MACROD2: variants seen among roughly 807,000 people sequenced by gnomAD.
The protein encoded by MACROD2 is mono-ADP ribosylhydrolase 2.
Under a neutral mutation model 70.4 loss-of-function variants are expected in MACROD2, and 36 were observed. The ratio of observed to expected loss-of-function variants is 0.51; its 90% CI spans 0.39 to 0.68. MACROD2 has a LOEUF of 0.68. Ranked by LOEUF, MACROD2 falls within the 30% of genes least tolerant of loss-of-function variation. The pLI is 0.00. For missense variants in MACROD2, 496 were observed against 538.4 expected (o/e 0.92, Z 0.78); for synonymous variants, 172 against 178.8 (o/e 0.96, Z 0.30).
intron 4 of MACROD2, among the ~76,000 whole-genome samples, chr20:14,565,367 T>G (rs1979725693): frequency 1.3e-5 from 2 of 151,944 alleles, no homozygotes; most frequent in Admixed American, 1.3e-4. Flanking sequence ...AAATTTTTTT[T>G]TAAAACGTAA....
chr20:15,787,724 A>T (rs1303775672), intron 8 of MACROD2, among the ~76,000 whole-genome samples: 5 of 152,160 alleles, frequency 3.3e-5, no homozygotes, highest in Non-Finnish European at 5.9e-5. Flanking sequence ...CTTCTTTTTT[A>T]AAAAATTTAA....
intron 5 of MACROD2, among the ~76,000 whole-genome samples, chr20:14,945,834 A>G (rs546541516): frequency 1.3e-5 from 2 of 152,308 alleles, no homozygotes; most frequent in South Asian, 2.1e-4. Flanking sequence ...GTATACTCAC[A>G]TAGAGTTTTA....
intron 5 of MACROD2, among the ~76,000 whole-genome samples, chr20:14,994,980 AG>A (rs2074937071): frequency 6.6e-6 from 1 of 152,228 alleles, no homozygotes; most frequent in Admixed American, 6.5e-5. Context: ...CTCTAAAAAA[AG>A]AAAAAAAAGT....
intron 10 of MACROD2, chr20:15,892,933 T>G (rs1021069095): frequency 1.0e-5 from 4 of 398,732 alleles, no homozygotes; most frequent in Non-Finnish European, 1.8e-5. Context: ...CCAGAGGGGT[T>G]AGAGCCAAAA....
At chr20:15,256,768 G>C (rs1470422947) in intron 6 of MACROD2, among the ~76,000 whole-genome samples, 1 of 152,080 alleles carries the variant, frequency 6.6e-6, no homozygotes, top group African/African-American at 2.4e-5. Flanking sequence ...CATGGATATG[G>C]TATACTTGGA....
At chr20:15,451,946 G>GCC (rs2046649160) in intron 7 of MACROD2, among the ~76,000 whole-genome samples, 2 of 152,236 alleles carry the variant, frequency 1.3e-5, no homozygotes, top group East Asian at 3.9e-4. Context: ...TAGTGGCATA[G>GCC]GAGACTGGTG....
At chr20:15,346,432 A>G (rs2078166910) in intron 6 of MACROD2, among the ~76,000 whole-genome samples, 1 of 152,194 alleles carries the variant, frequency 6.6e-6, no homozygotes, top group Non-Finnish European at 1.5e-5. Flanking sequence ...AGATTTCCAG[A>G]TAAAGGAACT....
At chr20:14,077,928 G>A (rs1179990427) in intron 2 of MACROD2, among the ~76,000 whole-genome samples, 3 of 143,250 alleles carry the variant, frequency 2.1e-5, no homozygotes, top group Non-Finnish European at 4.5e-5. Flanking sequence ...TTGAGACGGA[G>A]TTTCACTCCT....
intron 6 of MACROD2, among the ~76,000 whole-genome samples, chr20:15,340,505 A>C (rs563784516): frequency 6.6e-6 from 1 of 152,182 alleles, no homozygotes; most frequent in South Asian, 2.1e-4. Context: ...TTTGATGATC[A>C]ACAGTACTCT....
intron 8 of MACROD2, among the ~76,000 whole-genome samples, chr20:15,705,028 AT>A (rs1156381287): frequency 6.6e-6 from 1 of 152,302 alleles, no homozygotes; most frequent in South Asian, 2.1e-4. Context: ...TCTGCTGCTA[AT>A]TCTCACGGTC....
At chr20:14,003,824 G>C in intron 2 of MACROD2, 1 of 350,474 alleles carries the variant, frequency 2.9e-6, no homozygotes, top group Non-Finnish European at 5.5e-6. Context: ...AAAGAGAGGA[G>C]AGTGCTGTGT....
At chr20:15,007,053 G>C (rs564880827) in intron 5 of MACROD2, among the ~76,000 whole-genome samples, 9 of 151,570 alleles carry the variant, frequency 5.9e-5, no homozygotes, top group African/African-American at 2.2e-4. Flanking sequence ...CCCTGTAGAG[G>C]ACTGGGGGAA....
chr20:14,580,113 G>GA (rs894483417), intron 4 of MACROD2, among the ~76,000 whole-genome samples: 33 of 151,076 alleles, frequency 2.2e-4, no homozygotes, highest in Admixed American at 5.3e-4. Flanking sequence ...TCTTCTTCAA[G>GA]AAAAAAAAAT....
At chr20:15,596,456 G>T (rs985295961) in intron 8 of MACROD2, among the ~76,000 whole-genome samples, 7 of 152,142 alleles carry the variant, frequency 4.6e-5, no homozygotes, top group Non-Finnish European at 1.0e-4. Context: ...AGAGGTCCGT[G>T]GTCATTCCTT....
At chr20:15,632,165 CA>C (rs534511029) in intron 8 of MACROD2, among the ~76,000 whole-genome samples, 3,154 of 135,442 alleles carry the variant, frequency 0.023, 94 homozygotes, top group African/African-American at 0.078. Flanking sequence ...AACTCTTACT[CA>C]AAAAAAAAAT....
chr20:14,415,465 TTGTC>T (rs1235847548), intron 3 of MACROD2, among the ~76,000 whole-genome samples: 1 of 152,150 alleles, frequency 6.6e-6, no homozygotes, highest in African/African-American at 2.4e-5. Context: ...ATAGTTCAGA[TTGTC>T]TGAGAGAAAA....
At chr20:14,911,131 T>C (rs1464550819) in intron 5 of MACROD2, among the ~76,000 whole-genome samples, 2 of 152,144 alleles carry the variant, frequency 1.3e-5, no homozygotes, top group East Asian at 3.9e-4. Context: ...CTTCAGATCA[T>C]CTGCAACAAG....
At chr20:15,420,656 A>C (rs1174100055) in intron 6 of MACROD2, among the ~76,000 whole-genome samples, 1 of 152,244 alleles carries the variant, frequency 6.6e-6, no homozygotes, top group Non-Finnish European at 1.5e-5. Context: ...TATATTGAAA[A>C]AAACTTTAAG....
intron 6 of MACROD2, among the ~76,000 whole-genome samples, chr20:15,243,450 C>T (rs2077077575): frequency 6.6e-6 from 1 of 152,152 alleles, no homozygotes; most frequent in Admixed American, 6.6e-5. Context: ...TCTACATGCA[C>T]ACAGTAGAAT....
Sources: allele counts gnomAD v4.1 joint callset (sites outside exome capture counted in the v4.1 genomes callset), GRCh38; gene constraint gnomAD v4.1.1; transcripts MANE v1.5; gene names NCBI Gene and HGNC (gene_info 2026-07-23, HGNC 2026-07-21).